The following IRX6 variants were observed in gnomAD, a reference collection of about 807,000 sequenced individuals.
The protein encoded by IRX6 is iroquois homeobox 6, also known as iroquois-class homeodomain protein IRX-6.
A neutral mutation model predicts 47.7 loss-of-function variants in IRX6; 46 were observed. The observed-to-expected ratio is 0.96, with a 90% CI of 0.76 to 1.23. IRX6 has a LOEUF of 1.23. IRX6 is among the 50% of genes most tolerant of loss of function. The pLI is 0.00. For missense variants in IRX6, 722 were observed against 588.0 expected, an observed-to-expected ratio of 1.23 and a Z score of -2.36; for synonymous variants, 265 against 246.2, an observed-to-expected ratio of 1.08 and a Z score of -0.72.
Position 55,326,573 on chromosome 16 carries a change from C to A in IRX6, c.283C>A (p.Pro95Thr). 1 of 1,562,738 alleles carries A rather than the reference C, an allele frequency of 6.4e-7. No homozygotes were observed. The highest frequency in any genetic ancestry group is 8.7e-7 in the Non-Finnish European group (1 of 1,152,178). ...PGYLPYSPEPPSLYGALNPQY... is the reference protein window; with the variant it reads ...PGYLPYSPEPTSLYGALNPQY... ...CTACCTGCCCTATAGCCCAGAGCCC[C>A]CCTCACTGTATGGGGCACTGGTGAG... Residue 95 changes from proline (P) to threonine (T), a missense_variant, in exon 2 of 6, where the codon CCC (proline) becomes ACC (threonine). Coordinates refer to ENST00000290552, the MANE Select transcript of IRX6 (RefSeq NM_024335.3).
chr16:55,327,770 G>A lies in IRX6; in HGVS notation c.598G>A (p.Ala200Thr), dbSNP rs966500343. 6.2e-6 allele frequency: 10 copies of A among 1,612,452 alleles called. No homozygotes were observed. Among genetic ancestry groups the A allele is most frequent in the Middle Eastern group, 2.1e-4 (1 of 4,848 alleles). Residue 200 changes from alanine (A) to threonine (T), a missense_variant, in exon 4 of 6, where the codon GCA (alanine) becomes ACA (threonine). By Grantham distance (58) the Ala-to-Thr change is moderately conservative (BLOSUM62 0). Coordinates refer to ENST00000290552, the MANE Select transcript of IRX6 (RefSeq NM_024335.3). Reference sequence around the variant, plus strand: ...CCAGGTGTCCACCTGGTTCGCCAACGCACGCCGGCGCCTCAAGAAAGAGAA... The same window carrying A: ...CCAGGTGTCCACCTGGTTCGCCAACACACGCCGGCGCCTCAAGAAAGAGAA... Reference protein sequence around the residue: ...LTQVSTWFANARRRLKKENKM... With the variant: ...LTQVSTWFANTRRRLKKENKM...
Position 55,328,610 on chromosome 16 carries a change from G to C in IRX6, c.722-90G>C, listed in dbSNP as rs199544708. On this transcript the variant is annotated intron_variant, in intron 4 of 5. Transcript: ENST00000290552. ...ACTGAGGATGCCCTGAGTGCAGGGC[G>C]CTTCTTGCTAAAAGCTTCTCGGGGA... 41 of 1,340,242 alleles carry C rather than the reference G, an allele frequency of 3.1e-5. No homozygotes were observed. In the African/African-American group the frequency reaches 3.2e-4, roughly 10 times the overall value. 83.0% of individuals were successfully genotyped at this position (1,340,242 alleles called of 1,614,324 possible).
intron 2 of IRX6, chr16:55,326,836 A>G: frequency 4.3e-6 from 2 of 464,834 alleles, no homozygotes; most frequent in Non-Finnish European, 7.5e-6. Context: ...ATGAGGAAAT[A>G]GAGGTGCACA....
rs757596356 is a variant in IRX6, at chr16:55,329,098, C to T, written c.1120C>T (p.Arg374Ter). 1 of 1,614,096 alleles carries T rather than the reference C, an allele frequency of 6.2e-7. No individual in the cohort carries two copies. Among genetic ancestry groups the T allele is most frequent in the South Asian group, 1.1e-5 (1 of 91,080 alleles). The change falls in exon 5 of 6, where the codon CGA (arginine) becomes TGA (stop). Residue 374 changes from arginine to a stop codon, truncating the protein, a stop_gained. Coordinates refer to ENST00000290552, the MANE Select transcript of IRX6 (RefSeq NM_024335.3). LOFTEE classifies it high-confidence loss of function. ...EGAPPARPRP[R>*]SPECRMIPGQ... ...TGCACCCCCAGCCCGGCCTAGGCCACGAAGTCCTGAGTGCCGTATGATTCC... is the reference window on the plus strand; with the variant it reads ...TGCACCCCCAGCCCGGCCTAGGCCATGAAGTCCTGAGTGCCGTATGATTCC...
rs776622677 is a variant in IRX6 at position 55,327,892 on chromosome 16, AG to A, written c.721+1del. 1 of 1,589,564 alleles carries A rather than the reference AG, an allele frequency of 6.3e-7. No homozygotes were observed. The highest frequency in any genetic ancestry group is 1.1e-5 in the South Asian group (1 of 87,440). ...SLGCLTADTKEVTASQEARGL... is the reference protein window; with the variant it reads ...SLGCLTADTKXVTASQEARGL... ...TAGGCTGCCTAACTGCTGACACCAA[AG>A]GTACTGAAAACGTTCACCACCCCAC... On this transcript the variant is annotated frameshift_variant and splice_region_variant, in exon 4 of 6. Transcript: ENST00000290552. LOFTEE classifies it high-confidence loss of function.
chr16:55,325,537 G>A (rs183361471), intron 1 of IRX6, among the ~76,000 whole-genome samples: 1,215 of 9,342 alleles, frequency 0.13, 437 homozygotes, highest in East Asian at 0.53. Context: ...GAAGGAGAGA[G>A]AGAGAGAGAG....
chr16:55,327,242 C>A, intron 2 of IRX6, 54 bp from the exon 3 acceptor site: 2 of 1,278,268 alleles, frequency 1.6e-6, no homozygotes, highest in Non-Finnish European at 2.3e-6. Flanking sequence ...AGCTACCACC[C>A]CATGTGCCCC....
chr16:55,327,347 G>A lies in IRX6; in HGVS notation c.355G>A (p.Ala119Thr), dbSNP rs1960548848. The A allele has an allele frequency of 1.9e-6, 3 of 1,613,844 alleles. No homozygotes were observed. The highest frequency in any genetic ancestry group is 2.5e-6 in the Non-Finnish European group (3 of 1,179,936). The change falls in exon 3 of 6, where the codon GCA becomes ACA. Residue 119 changes from alanine to threonine, a missense_variant. Transcript: ENST00000290552. ...TGCAGGGAGTTTTACATCCAGCCTG[G>A]CACAACCAGGAGCCTATTATCCCTA... ...EAAGSFTSSL[A>T]QPGAYYPYER...
chr16:55,327,449 C>A (rs1325429398), intron 3 of IRX6, 44 bp downstream of exon 3: 8 of 1,575,466 alleles, frequency 5.1e-6, no homozygotes, highest in Non-Finnish European at 7.0e-6. Flanking sequence ...TGAGTCTTTC[C>A]TCCCCCACTG....
At chr16:55,326,296 G>T (rs31081) in intron 1 of IRX6, 40 bp from the exon 2 acceptor site, 1,122,665 of 1,472,102 alleles carry the variant, frequency 0.76, 422,261 homozygotes, top group East Asian at 0.89. Flanking sequence ...GGTGGGGGGG[G>T]GGTCTCTGAC....
intron 4 of IRX6, 115 bp from the exon 5 acceptor site, chr16:55,328,585 A>C: frequency 1.9e-6 from 2 of 1,053,280 alleles, no homozygotes. Flanking sequence ...GGTGAATTAC[A>C]CTGAGGATGC....
At chr16:55,330,276 T>C (rs766100267) in intron 5 of IRX6, 22 bp from the exon 6 acceptor site, 2 of 1,613,166 alleles carry the variant, frequency 1.2e-6, no homozygotes, top group South Asian at 1.1e-5. Context: ...CTTTGGGTTT[T>C]AATCAACCTT....
chr16:55,328,874 C>G lies in IRX6; in HGVS notation c.896C>G (p.Ala299Gly), dbSNP rs141090834. ...AQSLPGPCAAAREGRLERREC... is the reference protein window; with the variant it reads ...AQSLPGPCAAGREGRLERREC... Reference sequence around the variant, plus strand: ...TCACTGCCTGGGCCGTGCGCTGCAGCTCGAGAGGGCCGATTGGAGCGCAGG... The same window carrying G: ...TCACTGCCTGGGCCGTGCGCTGCAGGTCGAGAGGGCCGATTGGAGCGCAGG... The change falls in exon 5 of 6, where the codon GCT becomes GGT. Residue 299 changes from alanine to glycine, a missense_variant. Physicochemically the swap from Ala to Gly is moderately conservative, Grantham distance 60. Transcript: ENST00000290552. The G allele has an allele frequency of 2.5e-6, 4 of 1,612,980 alleles. No homozygotes were observed. The highest frequency in any genetic ancestry group is 3.4e-6 in the Non-Finnish European group (4 of 1,179,952).
chr16:55,329,182 G>A lies in IRX6; in HGVS notation c.1204G>A (p.Glu402Lys), dbSNP rs535081322. The A allele has an allele frequency of 5.0e-6, 8 of 1,614,010 alleles. No homozygotes were observed. Among genetic ancestry groups the A allele is most frequent in the Non-Finnish European group, 6.8e-6 (8 of 1,180,048 alleles). The change falls in exon 5 of 6, where the codon GAG becomes AAG. Residue 402 changes from glutamate (E) to lysine (K), a missense_variant. By Grantham distance (56) the Glu-to-Lys change is moderately conservative. Transcript: ENST00000290552. ...AGTCCCCAGAGACTCCGCGTGCGAC[G>A]AGTCTTCCTGCATACCCAAAGCCTT... The part of the protein sequence containing the change: ...LSVPRDSACD[E>K]SSCIPKAFGN...
chr16:55,327,858 A>G lies in IRX6; in HGVS notation c.686A>G (p.Glu229Gly), dbSNP rs1960565159. The change falls in exon 4 of 6, where the codon GAG becomes GGG. Residue 229 changes from glutamate to glycine, a missense_variant. Glu to Gly is a moderately conservative substitution (Grantham distance 98). Coordinates refer to ENST00000290552, the MANE Select transcript of IRX6 (RefSeq NM_024335.3). Reference sequence around the variant, plus strand: ...GAGAGGAAGGCAGAGGGAGGAGAGGAGGACTCACTAGGCTGCCTAACTGCT... The same window carrying G: ...GAGAGGAAGGCAGAGGGAGGAGAGGGGGACTCACTAGGCTGCCTAACTGCT... ...GEERKAEGGE[E>G]DSLGCLTADT... The G allele has an allele frequency of 6.2e-6, 10 of 1,611,072 alleles. No homozygotes were observed. The highest frequency in any genetic ancestry group is 1.3e-5 in the African/African-American group (1 of 74,858).
At position 55,329,182 on chromosome 16, in the gene IRX6, G is replaced by C. The variant is rs535081322; in HGVS notation, c.1204G>C (p.Glu402Gln). ...LSVPRDSACD[E>Q]SSCIPKAFGN... ...AGTCCCCAGAGACTCCGCGTGCGAC[G>C]AGTCTTCCTGCATACCCAAAGCCTT... Residue 402 changes from glutamate (E) to glutamine (Q), a missense_variant, in exon 5 of 6, where the codon GAG becomes CAG. By Grantham distance (29) the Glu-to-Gln change is conservative (BLOSUM62 2). Transcript: ENST00000290552. 1.2e-6 allele frequency: 2 copies of C among 1,614,128 alleles called. No homozygotes were observed. The highest frequency in any genetic ancestry group is 1.7e-5 in the Admixed American group (1 of 60,028).
At chr16:55,327,272 AAT>A (rs1249546735) in intron 2 of IRX6, 22 bp from the exon 3 acceptor site, 1 of 1,566,784 alleles carries the variant, frequency 6.4e-7, no homozygotes, top group Admixed American at 1.7e-5. Context: ...TGTACTCCTG[AAT>A]TCTCTTTTCC....
Position 55,325,208 on chromosome 16 carries a change from C to T in IRX6, c.45+72C>T, listed in dbSNP as rs1014978956. The T allele has an allele frequency of 1.9e-5, 28 of 1,465,548 alleles. No homozygotes were observed. The Admixed American group carries it at 3.5e-4, about 18-fold the overall frequency. 90.8% of individuals were successfully genotyped at this position (1,465,548 alleles called of 1,614,324 possible). On this transcript the variant is annotated intron_variant, in intron 1 of 5. Coordinates refer to ENST00000290552, the MANE Select transcript of IRX6 (RefSeq NM_024335.3). Reference sequence around the variant, plus strand: ...AGTGCCTAGTGCACGGCGCCTGCCTCTGATCATCCTCCTCTTGTGTTCTGG... The same window carrying T: ...AGTGCCTAGTGCACGGCGCCTGCCTTTGATCATCCTCCTCTTGTGTTCTGG...
rs985042510 is a variant in IRX6 at position 55,330,154 on chromosome 16, G to A, written c.1334-144G>A. ...GGGTTACACTGTTATTTGAATTTAC[G>A]CAACGGATCCAAACATTACCTCTGG... On this transcript the variant is annotated intron_variant, in intron 5 of 5. Coordinates refer to ENST00000290552, the MANE Select transcript of IRX6 (RefSeq NM_024335.3). 25 of 715,862 alleles carry A rather than the reference G, an allele frequency of 3.5e-5. 1 individual carries two copies. Among genetic ancestry groups the A allele is most frequent in the Non-Finnish European group, 5.2e-5 (21 of 402,276 alleles). 44.3% of individuals were successfully genotyped at this position (715,862 alleles called of 1,614,324 possible). A position where few individuals can be genotyped will look rare whatever the true frequency, so the allele number is the denominator to read the frequency against.
Sources: allele counts gnomAD v4.1 joint callset (sites outside exome capture counted in the v4.1 genomes callset), GRCh38; gene constraint gnomAD v4.1.1; transcripts MANE v1.5; gene names NCBI Gene and HGNC (gene_info 2026-07-23, HGNC 2026-07-21).